The following ESRRG variants were observed in gnomAD, a reference collection of about 807,000 sequenced individuals.
The protein encoded by ESRRG is estrogen related receptor gamma.
Under a neutral mutation model 44.0 loss-of-function variants are expected in ESRRG, and 13 were observed. That is an observed-to-expected ratio of 0.30 (90% CI 0.19 to 0.47). ESRRG has a LOEUF of 0.47. ESRRG is among the 20% of genes least tolerant of loss of function. The probability of loss-of-function intolerance (pLI) is 1.00; values close to 1 mark genes in which losing one functional copy is unlikely to be tolerated. For missense variants in ESRRG, 395 were observed against 580.6 expected, an observed-to-expected ratio of 0.68 and a Z score of 3.29; for synonymous variants, 215 against 214.6, an observed-to-expected ratio of 1.00 and a Z score of -0.02.
At chr1:217,118,731 C>A (rs1171148658) in intron 1 of ESRRG, among the ~76,000 whole-genome samples, 1 of 152,116 alleles carries the variant, frequency 6.6e-6, no homozygotes, top group Non-Finnish European at 1.5e-5. Flanking sequence ...GTAGCTCTCG[C>A]CTGTAATCTC....
At chr1:216,934,413 G>C (rs572426724) in intron 2 of ESRRG, among the ~76,000 whole-genome samples, 5 of 152,282 alleles carry the variant, frequency 3.3e-5, no homozygotes, top group African/African-American at 1.2e-4. Flanking sequence ...CAGCTTAGGA[G>C]ACAGAATGAG....
chr1:217,015,730 G>GA (rs778020628), intron 1 of ESRRG, among the ~76,000 whole-genome samples: 1 of 112,278 alleles, frequency 8.9e-6, no homozygotes. Flanking sequence ...GGGGCAGCTA[G>GA]ATTTTTTTTT....
intron 1 of ESRRG, among the ~76,000 whole-genome samples, chr1:217,038,446 A>G (rs2083295007): frequency 6.6e-6 from 1 of 152,240 alleles, no homozygotes; most frequent in South Asian, 2.1e-4. Context: ...TTGTGAAATG[A>G]CAGTGATATG....
chr1:216,873,085 G>A (rs1363269474), intron 2 of ESRRG, among the ~76,000 whole-genome samples: 1 of 152,110 alleles, frequency 6.6e-6, no homozygotes, highest in Non-Finnish European at 1.5e-5. Flanking sequence ...GCACCACCCA[G>A]TGTCCAGTAT....
At chr1:216,954,734 C>T (rs2818799) in intron 1 of ESRRG, among the ~76,000 whole-genome samples, 99,390 of 151,904 alleles carry the variant, frequency 0.65, 35,681 homozygotes, top group Non-Finnish European at 0.82. Flanking sequence ...TTAATATATA[C>T]GCTATGTTTC....
intron 5 of ESRRG, among the ~76,000 whole-genome samples, chr1:216,555,319 C>A (rs1187394586): frequency 6.6e-6 from 1 of 152,192 alleles, no homozygotes; most frequent in Non-Finnish European, 1.5e-5. Context: ...ACACACTTTA[C>A]TATAAATCAC....
chr1:216,528,974 A>G (rs750756879), intron 5 of ESRRG, among the ~76,000 whole-genome samples: 3 of 152,160 alleles, frequency 2.0e-5, no homozygotes, highest in Non-Finnish European at 2.9e-5. Context: ...TTAGACAGTT[A>G]CAAACAGCAA....
chr1:216,761,561 T>C (rs2092774094), intron 2 of ESRRG, among the ~76,000 whole-genome samples: 1 of 152,164 alleles, frequency 6.6e-6, no homozygotes, highest in Non-Finnish European at 1.5e-5. Flanking sequence ...TTGGGTTCAC[T>C]GTATTCTTCC....
chr1:217,030,280 C>A (rs2081886192), intron 1 of ESRRG, among the ~76,000 whole-genome samples: 3 of 152,196 alleles, frequency 2.0e-5, no homozygotes, highest in South Asian at 4.1e-4. Flanking sequence ...CCCAACCAGA[C>A]CTTTCACAGA....
intron 1 of ESRRG, among the ~76,000 whole-genome samples, chr1:216,960,191 T>C (rs1028961963): frequency 1.2e-4 from 19 of 152,166 alleles, no homozygotes; most frequent in African/African-American, 4.3e-4. Flanking sequence ...TATGTACATA[T>C]TTTATGGTGT....
At chr1:216,710,149 C>T (rs372785105) in intron 1 of ESRRG, among the ~76,000 whole-genome samples, 42 of 152,242 alleles carry the variant, frequency 2.8e-4, no homozygotes, top group African/African-American at 9.9e-4. Context: ...CCAGTCCTGC[C>T]GTCTTTTTAA....
chr1:217,135,197 G>A (rs1580666153), intron 1 of ESRRG, among the ~76,000 whole-genome samples: 1 of 151,364 alleles, frequency 6.6e-6, no homozygotes, highest in Non-Finnish European at 1.5e-5. Context: ...CCCAGCGCGC[G>A]GGGCAGCCCT....
chr1:216,922,669 G>A (rs1266385313), intron 2 of ESRRG, among the ~76,000 whole-genome samples: 1 of 152,162 alleles, frequency 6.6e-6, no homozygotes, highest in Non-Finnish European at 1.5e-5. Context: ...GAGCAGAATG[G>A]CAATGAATTG....
intron 2 of ESRRG, among the ~76,000 whole-genome samples, chr1:216,857,227 G>A (rs1367578646): frequency 6.6e-6 from 1 of 151,880 alleles, no homozygotes; most frequent in East Asian, 1.9e-4. Flanking sequence ...ATTAAACCCT[G>A]GAACATCAAA....
chr1:216,828,193 G>T (rs1225419717), intron 2 of ESRRG, among the ~76,000 whole-genome samples: 1 of 152,158 alleles, frequency 6.6e-6, no homozygotes, highest in Non-Finnish European at 1.5e-5. Context: ...AGTCCTCCTA[G>T]CTATTATGGA....
chr1:216,810,138 C>A (rs1347315515), intron 2 of ESRRG, among the ~76,000 whole-genome samples: 1 of 152,078 alleles, frequency 6.6e-6, no homozygotes, highest in Non-Finnish European at 1.5e-5. Flanking sequence ...AGAGAAGCAG[C>A]AGGGCCAAAT....
intron 5 of ESRRG, among the ~76,000 whole-genome samples, chr1:216,546,469 G>A (rs1006507059): frequency 1.3e-5 from 2 of 151,996 alleles, no homozygotes; most frequent in African/African-American, 4.8e-5. Flanking sequence ...CTTCATGGGC[G>A]TGCAAACTGC....
intron 2 of ESRRG, among the ~76,000 whole-genome samples, chr1:216,891,113 T>C (rs1051526022): frequency 6.6e-6 from 1 of 152,220 alleles, no homozygotes; most frequent in Non-Finnish European, 1.5e-5. Context: ...GTTGCATTTT[T>C]TATGCCTATA....
At chr1:217,001,426 C>G (rs956925965) in intron 1 of ESRRG, among the ~76,000 whole-genome samples, 1 of 152,224 alleles carries the variant, frequency 6.6e-6, no homozygotes, top group Non-Finnish European at 1.5e-5. Context: ...CCTACTCTTC[C>G]ATTAATAATT....
Sources: allele counts gnomAD v4.1 joint callset (sites outside exome capture counted in the v4.1 genomes callset), GRCh38; gene constraint gnomAD v4.1.1; transcripts MANE v1.5; gene names NCBI Gene and HGNC (gene_info 2026-07-23, HGNC 2026-07-21).